ACTR3C: variants seen among roughly 807,000 people sequenced by gnomAD.
ACTR3C encodes the protein actin-related protein 3C.
ACTR3C carries 18 observed loss-of-function variants against 26.3 expected under a neutral mutation model. That is an observed-to-expected ratio of 0.68 (90% confidence interval 0.47 to 1.01). The LOEUF (loss-of-function observed/expected upper bound fraction) is 1.01, where lower values mean the gene tolerates loss of function less well. ACTR3C is among the 50% of genes least tolerant of loss of function. The pLI is 0.00. For missense variants in ACTR3C, 184 were observed against 250.7 expected, an observed-to-expected ratio of 0.73 and a Z score of 1.80; for synonymous variants, 55 against 94.5, an observed-to-expected ratio of 0.58 and a Z score of 2.42.
downstream of ACTR3C, chr7:150,244,173 CAATATAGTCTTAGAATATTG>C (rs1482734421): frequency 1.0e-3 from 27 of 25,904 alleles, no homozygotes; most frequent in African/African-American, 5.5e-3. Context: ...ATTGAATATT[CAATATAGTCTTAGAATATTG>C]AATATTCAAT....
chr7:150,034,955 A>ACTGG, the ACTR3C span, among the ~76,000 whole-genome samples: 1 of 136,732 alleles, frequency 7.3e-6, no homozygotes, highest in East Asian at 2.3e-4. Flanking sequence ...AGAGGGGATA[A>ACTGG]CTCTCAGTCC....
chr7:150,038,798 C>T, the ACTR3C span, among the ~76,000 whole-genome samples: 12 of 139,246 alleles, frequency 8.6e-5, no homozygotes, highest in South Asian at 6.7e-4. Context: ...CCCCGCCTCG[C>T]GGGGGGTGCC....
At chr7:150,253,655 A>G (rs1343139699) in intron 6 of ACTR3C, among the ~76,000 whole-genome samples, 3 of 151,912 alleles carry the variant, frequency 2.0e-5, no homozygotes, top group South Asian at 2.1e-4. Context: ...AGAAGTACAA[A>G]TTAATAATGG....
the ACTR3C span, among the ~76,000 whole-genome samples, chr7:149,924,335 A>T: frequency 6.6e-6 from 1 of 151,998 alleles, no homozygotes. Context: ...AGATCGCTCC[A>T]TTGCACTCCA....
the ACTR3C span, among the ~76,000 whole-genome samples, chr7:150,105,944 T>C: frequency 6.6e-6 from 1 of 152,096 alleles, no homozygotes; most frequent in Non-Finnish European, 1.5e-5. Context: ...TTTTGACTTG[T>C]ATTATAACTA....
At chr7:150,215,216 T>G in the ACTR3C span, among the ~76,000 whole-genome samples, 2 of 152,060 alleles carry the variant, frequency 1.3e-5, no homozygotes, top group Non-Finnish European at 2.9e-5. Flanking sequence ...GTCAGCAAAC[T>G]CCTGTGGGTA....
At chr7:150,171,757 G>A in the ACTR3C span, among the ~76,000 whole-genome samples, 24 of 149,700 alleles carry the variant, frequency 1.6e-4, no homozygotes, top group Non-Finnish European at 5.9e-5. Context: ...GAGAAAATAG[G>A]TAAGACACAG....
chr7:150,130,220 C>T, the ACTR3C span, among the ~76,000 whole-genome samples: 1 of 152,090 alleles, frequency 6.6e-6, no homozygotes, highest in South Asian at 2.1e-4. Context: ...TATAAAATTT[C>T]TAGAAACAAA....
At chr7:149,944,240 C>T in the ACTR3C span, among the ~76,000 whole-genome samples, 9 of 152,126 alleles carry the variant, frequency 5.9e-5, no homozygotes, top group South Asian at 1.2e-3. Flanking sequence ...AAATGAATCC[C>T]TTATTCTTAT....
chr7:149,949,387 G>A, the ACTR3C span, among the ~76,000 whole-genome samples: 1 of 109,480 alleles, frequency 9.1e-6, no homozygotes, highest in Admixed American at 9.3e-5. Flanking sequence ...AGAAAGGAAG[G>A]AAGGAGGGAA....
the ACTR3C span, among the ~76,000 whole-genome samples, chr7:149,898,728 GAATAAA>G: frequency 3.3e-5 from 5 of 151,436 alleles, no homozygotes; most frequent in Admixed American, 2.6e-4. Flanking sequence ...TAATCAAAAA[GAATAAA>G]AATAAAAATA....
chr7:150,003,885 G>GGT, the ACTR3C span, among the ~76,000 whole-genome samples: 3 of 143,118 alleles, frequency 2.1e-5, no homozygotes, highest in Admixed American at 6.9e-5. Flanking sequence ...TATGTTATGG[G>GGT]GTGTGTGTGG....
At chr7:149,982,343 G>A in the ACTR3C span, among the ~76,000 whole-genome samples, 2 of 152,002 alleles carry the variant, frequency 1.3e-5, no homozygotes, top group Non-Finnish European at 1.5e-5. Flanking sequence ...TAAGTTCACT[G>A]GGAAATAACT....
At chr7:149,959,850 G>A in the ACTR3C span, among the ~76,000 whole-genome samples, 1 of 152,188 alleles carries the variant, frequency 6.6e-6, no homozygotes, top group Non-Finnish European at 1.5e-5. Context: ...CCAGGTCATG[G>A]CAGTGTGTTG....
At chr7:150,040,299 T>C in the ACTR3C span, among the ~76,000 whole-genome samples, 5 of 147,340 alleles carry the variant, frequency 3.4e-5, no homozygotes, top group Admixed American at 6.7e-5. Context: ...ACAGTTTGGG[T>C]TAAAAGTCCA....
chr7:149,883,078 C>T, the ACTR3C span, among the ~76,000 whole-genome samples: 8 of 152,190 alleles, frequency 5.3e-5, no homozygotes, highest in African/African-American at 1.2e-4. Flanking sequence ...GTGTTTTTAA[C>T]GTAAATGCTC....
the ACTR3C span, among the ~76,000 whole-genome samples, chr7:150,194,820 G>A: frequency 0.016 from 2,375 of 152,126 alleles, 25 homozygotes; most frequent in Non-Finnish European, 0.025. Context: ...CCAGCGGGAC[G>A]TGGTGCCTCA....
chr7:149,959,957 T>C, the ACTR3C span, among the ~76,000 whole-genome samples: 1 of 151,950 alleles, frequency 6.6e-6, no homozygotes, highest in African/African-American at 2.4e-5. Flanking sequence ...AATTGGACTA[T>C]ACTATAATTT....
In ACTR3C at chr7:150,281,658, A is replaced by G. The variant is rs555085033; in HGVS notation, c.564+3095T>C. Among the ~76,000 whole-genome samples the G allele has an allele frequency of 1.3e-3, 204 of 152,114 alleles. 1 individual carries two copies. The highest frequency in any genetic ancestry group is 4.8e-3 in the African/African-American group (198 of 41,490). On this transcript the variant is annotated intron_variant, in intron 6 of 7. Coordinates refer to ENST00000683684, the MANE Select transcript of ACTR3C (RefSeq NM_001164458.2). ...GGCAGCACTGACTTGCTGAGGAACT[A>G]GCAAAGGCCACGCCTCAACATGCCC...
Sources: allele counts gnomAD v4.1 joint callset (sites outside exome capture counted in the v4.1 genomes callset), GRCh38; gene constraint gnomAD v4.1.1; transcripts MANE v1.5; gene names NCBI Gene and HGNC (gene_info 2026-07-23, HGNC 2026-07-21).